The following KDM3A variants were observed in gnomAD, a reference collection of about 807,000 sequenced individuals.
The protein encoded by KDM3A is lysine demethylase 3A.
KDM3A carries 60 observed loss-of-function variants against 158.0 expected under a neutral mutation model. The observed-to-expected ratio is 0.38, with a 90% CI of 0.31 to 0.47. The LOEUF (loss-of-function observed/expected upper bound fraction) is 0.47. KDM3A is among the 20% of genes least tolerant of loss of function. The pLI is 0.99. For missense variants in KDM3A, 1,319 were observed against 1,574.3 expected, an observed-to-expected ratio of 0.84 and a Z score of 2.74; for synonymous variants, 608 against 549.3, an observed-to-expected ratio of 1.11 and a Z score of -1.49.
rs1673951525 is a variant in KDM3A at position 86,481,970 on chromosome 2, A to G, written c.2553A>G (p.Lys851=). The change falls in exon 17 of 26, where the codon AAA becomes AAG. Residue 851 remains lysine (K), a synonymous_variant. Coordinates refer to ENST00000312912, the MANE Select transcript of KDM3A (RefSeq NM_018433.6). The part of the protein sequence containing the change: ...PTMPILKNEI[K]CLPPLPPLSK... ...TGCCAATTTTAAAGAATGAAATCAA[A>G]TGCCTTCCACCCCTCCCACCTTTAA... is the stretch of plus-strand genomic sequence containing the variant. 1.9e-6 allele frequency: 3 copies of G among 1,613,302 alleles called. No individual in the cohort carries two copies. The highest frequency in any genetic ancestry group is 2.5e-6 in the Non-Finnish European group (3 of 1,179,798).
intron 2 of KDM3A, among the ~76,000 whole-genome samples, chr2:86,444,528 C>T (rs910336068): frequency 1.4e-4 from 21 of 151,556 alleles, no homozygotes; most frequent in Admixed American, 9.2e-4. Context: ...TCTTGTTGCC[C>T]AGGCTGGTCT....
chr2:86,482,045 C>A lies in KDM3A; in HGVS notation c.2628C>A (p.Pro876=). The change falls in exon 17 of 26, where the codon CCC becomes CCA. Residue 876 remains proline (P), a synonymous_variant. Coordinates refer to ENST00000312912, the MANE Select transcript of KDM3A (RefSeq NM_018433.6). ...LHTFNSTILT[P]VSNNNSGFLR... ...CGTTTAACAGCACAATTTTGACACC[C>A]GTAAGCAACAACAATTCTGGTTTCC... is the stretch of plus-strand genomic sequence containing the variant. The A allele has an allele frequency of 6.2e-7, 1 of 1,614,150 alleles. No individual in the cohort carries two copies. Among genetic ancestry groups the A allele is most frequent in the East Asian group, 2.2e-5 (1 of 44,884 alleles).
At chr2:86,441,033 C>G (rs1411362354), upstream of KDM3A, 1 of 152,414 alleles carries the variant, frequency 6.6e-6, no homozygotes, top group Non-Finnish European at 1.5e-5. Flanking sequence ...CCTCCGGGCC[C>G]CAAAGTTGAT....
chr2:86,475,678 A>G (rs1673629678), intron 12 of KDM3A, among the ~76,000 whole-genome samples: 1 of 152,224 alleles, frequency 6.6e-6, no homozygotes, highest in Non-Finnish European at 1.5e-5. Context: ...TTATCCAGCC[A>G]GAAGCACCAT....
At position 86,478,746 on chromosome 2, in the gene KDM3A, C is replaced by G; in HGVS notation, c.2316+11C>G. 6.2e-7 allele frequency: 1 copy of G among 1,610,346 alleles called. No homozygotes were observed. The highest frequency in any genetic ancestry group is 8.5e-7 in the Non-Finnish European group (1 of 1,178,004). Reference sequence around the variant, plus strand: ...GAAGACCTAAAACAGGTATTTACTGCTTATGTTAAATTCAACATCTCTTGT... The same window carrying G: ...GAAGACCTAAAACAGGTATTTACTGGTTATGTTAAATTCAACATCTCTTGT... On this transcript the variant is annotated intron_variant, in intron 15 of 25. Transcript: ENST00000312912.
intron 25 of KDM3A, 75 bp from the exon 26 acceptor site, chr2:86,491,960 TAGTA>T: frequency 1.1e-6 from 1 of 883,868 alleles, no homozygotes; most frequent in Non-Finnish European, 1.8e-6. Flanking sequence ...GTAATAAAAT[TAGTA>T]GGAGGAAGCT....
In KDM3A at chr2:86,449,853, T is replaced by C. The variant is rs1225316508; in HGVS notation, c.233T>C (p.Ile78Thr). 1 of 1,613,710 alleles carries C rather than the reference T, an allele frequency of 6.2e-7. No individual in the cohort carries two copies. The highest frequency in any genetic ancestry group is 1.1e-5 in the South Asian group (1 of 91,032). Residue 78 changes from isoleucine to threonine, a missense_variant, in exon 3 of 26, where the codon ATA (isoleucine) becomes ACA (threonine). Transcript: ENST00000312912. The part of the protein sequence containing the change: ...DGESWRKRRW[I>T]EVYSLLRRAF... ...GAATCTTGGAGGAAAAGAAGATGGA[T>C]AGAAGTCTACAGCCTTCTAAGGAGA...
intron 2 of KDM3A, chr2:86,443,623 T>C (rs965464197): frequency 6.6e-6 from 1 of 152,208 alleles, no homozygotes; most frequent in Non-Finnish European, 1.5e-5. Context: ...TACGTAGGAA[T>C]TGACATAGCC....
At chr2:86,447,372 C>T (rs543417514) in intron 2 of KDM3A, among the ~76,000 whole-genome samples, 6 of 145,270 alleles carry the variant, frequency 4.1e-5, no homozygotes, top group Non-Finnish European at 9.0e-5. Flanking sequence ...TTATCTTAAG[C>T]TTTAGATAGT....
Position 86,489,521 on chromosome 2 carries a change from A to T in KDM3A, c.3435A>T (p.Glu1145Asp). The T allele has an allele frequency of 6.2e-7, 1 of 1,612,000 alleles. No individual in the cohort carries two copies. Among genetic ancestry groups the T allele is most frequent in the Non-Finnish European group, 8.5e-7 (1 of 1,179,246 alleles). Residue 1145 changes from glutamate (E) to aspartate (D), a missense_variant and splice_region_variant, in exon 23 of 26, where the codon GAA becomes GAT. By Grantham distance (45) the Glu-to-Asp change is conservative (BLOSUM62 2). Around this residue, in one of 4 missense-constraint regions of KDM3A, gnomAD observed 186 missense variants for 340.9 expected, o/e 0.55. Coordinates refer to ENST00000312912, the MANE Select transcript of KDM3A (RefSeq NM_018433.6). ...IPKGQCEQEE[E>D]VLKTIQDGDS... ...ATCTGCTTTCTCTTCTTGCTCTAGA[A>T]GTCCTTAAGACCATCCAAGATGGAG... is the stretch of plus-strand genomic sequence containing the variant.
upstream of KDM3A, among the ~76,000 whole-genome samples, chr2:86,437,104 G>A (rs1031403390): frequency 3.9e-5 from 6 of 152,046 alleles, no homozygotes; most frequent in East Asian, 1.9e-4. Context: ...ACTTATTTTC[G>A]TGAATGTTGG....
intron 2 of KDM3A, among the ~76,000 whole-genome samples, chr2:86,449,189 C>G (rs773434533): frequency 7.9e-5 from 12 of 152,154 alleles, no homozygotes; most frequent in Admixed American, 4.6e-4. Flanking sequence ...TTCTGAAAAA[C>G]TTTGTGGTCA....
intron 10 of KDM3A, among the ~76,000 whole-genome samples, chr2:86,467,603 A>G (rs1261392090): frequency 6.6e-6 from 1 of 152,242 alleles, no homozygotes; most frequent in African/African-American, 2.4e-5. Context: ...GGTAGTTATC[A>G]GAAGCTCTGT....
rs1233511904 is a variant in KDM3A, at chr2:86,482,026, A to G, written c.2609A>G (p.Asn870Ser). The G allele has an allele frequency of 1.2e-6, 2 of 1,614,142 alleles. No homozygotes were observed. The highest frequency in any genetic ancestry group is 1.7e-5 in the Admixed American group (1 of 60,012). ...TCCAGCACAGTCCTCCATACGTTTA[A>G]CAGCACAATTTTGACACCCGTAAGC... The part of the protein sequence containing the change: ...SKSSTVLHTF[N>S]STILTPVSNN... The change falls in exon 17 of 26, where the codon AAC (asparagine) becomes AGC (serine). Residue 870 changes from asparagine to serine, a missense_variant. By Grantham distance (46) the Asn-to-Ser change is conservative. Transcript: ENST00000312912.
chr2:86,470,340 C>T lies in KDM3A; in HGVS notation c.1656C>T (p.Asp552=), dbSNP rs774355807. 2 of 1,614,094 alleles carry T rather than the reference C, an allele frequency of 1.2e-6. No individual in the cohort carries two copies. The highest frequency in any genetic ancestry group is 4.5e-5 in the East Asian group (2 of 44,872). The change falls in exon 11 of 26, where the codon GAC becomes GAT. Residue 552 remains aspartate, a synonymous_variant. Transcript: ENST00000312912. ...CTAAATGCCGAGAGTGTCGCTTGGA[C>T]AGTCTCCGCAAGGATAAGGAGCAAC... ...QLPKCRECRL[D]SLRKDKEQQK...
intron 8 of KDM3A, among the ~76,000 whole-genome samples, chr2:86,457,901 T>TA (rs1672773173): frequency 6.6e-6 from 1 of 152,222 alleles, no homozygotes. Context: ...CTGAAATAGT[T>TA]ACCATTTGGA....
At chr2:86,441,576 TGGGCGCCGGGGCG>T (rs1449647634) in intron 1 of KDM3A, 132 bp downstream of exon 1, 1 of 149,796 alleles carries the variant, frequency 6.7e-6, no homozygotes, top group Non-Finnish European at 1.5e-5. Context: ...GCCGGGGAGC[TGGGCGCCGGGGCG>T]GGGCGGCGGG....
intron 2 of KDM3A, among the ~76,000 whole-genome samples, chr2:86,445,250 C>T (rs1355951739): frequency 6.6e-6 from 1 of 152,056 alleles, no homozygotes; most frequent in African/African-American, 2.4e-5. Flanking sequence ...AAAATTATTA[C>T]CTCTCCTATG....
chr2:86,480,206 C>T lies in KDM3A; in HGVS notation c.2356C>T (p.Leu786Phe). 3 of 1,613,412 alleles carry T rather than the reference C, an allele frequency of 1.9e-6. No homozygotes were observed. Among genetic ancestry groups the T allele is most frequent in the East Asian group, 2.2e-5 (1 of 44,884 alleles). ...AGAAAAACCGACTCTTGGTGCAGTGCTCCAGCAGAATCCCTCAGTGTTGGA... is the reference window on the plus strand; with the variant it reads ...AGAAAAACCGACTCTTGGTGCAGTGTTCCAGCAGAATCCCTCAGTGTTGGA... ...AGEKPTLGAV[L>F]QQNPSVLEPA... is the part of the protein sequence containing the mutation. Residue 786 changes from leucine to phenylalanine, a missense_variant, in exon 16 of 26, where the codon CTC becomes TTC. Physicochemically the swap from Leu to Phe is conservative, Grantham distance 22. This residue lies in a region of KDM3A where 368 missense variants were observed against 415.8 expected (regional missense o/e 0.89). Transcript: ENST00000312912.
Sources: gnomAD v4.1 joint callset for allele counts (sites outside exome capture counted in the v4.1 genomes callset) on GRCh38, gnomAD v4.1.1 for gene constraint, gnomAD v4.1.1 regional missense constraint, MANE v1.5 for transcripts, NCBI Gene and HGNC (gene_info 2026-07-23, HGNC 2026-07-21) for gene names.